Variants in SERPINF2 observed in about 807,000 individuals in gnomAD.
SERPINF2 encodes the protein alpha-2-antiplasmin.
SERPINF2 carries 15 observed loss-of-function variants against 45.0 expected under a neutral mutation model. The observed-to-expected ratio is 0.33, with a 90% CI of 0.22 to 0.51. The LOEUF is 0.51. Ranked by LOEUF, SERPINF2 falls within the 20% of genes least tolerant of loss-of-function variation. The pLI is 0.97. For missense variants in SERPINF2, 518 were observed against 637.4 expected, an observed-to-expected ratio of 0.81 and a Z score of 2.02; for synonymous variants, 283 against 277.9, an observed-to-expected ratio of 1.02 and a Z score of -0.18.
chr17:1,743,066 C>T (rs1905434397), intron 1 of SERPINF2, 158 bp downstream of exon 1: 1 of 985,258 alleles, frequency 1.0e-6, no homozygotes, highest in Non-Finnish European at 1.2e-6. Context: ...CAAGAAGATT[C>T]TAATGCCCAG....
In SERPINF2 at chr17:1,752,052, G is replaced by GC. The variant is rs1555569620; in HGVS notation, c.859-534_859-533insC. On this transcript the variant is annotated intron_variant, in intron 8 of 9. Coordinates refer to ENST00000453066, the MANE Select transcript of SERPINF2 (RefSeq NM_000934.4). ...TGACAGCGGACACTGCTACAATGTT[G>GC]TTTTTTTTCTTTTTTTGAGACGGAT... Among the ~76,000 whole-genome samples, 2 of 136,944 alleles carry GC rather than the reference G, an allele frequency of 1.5e-5. 1 individual carries two copies. The highest frequency in any genetic ancestry group is 3.3e-5 in the Non-Finnish European group (2 of 60,524). 89.8% of individuals were successfully genotyped at this position (136,944 alleles called of 152,430 possible). A position where few individuals can be genotyped will look rare whatever the true frequency, so the allele number is the denominator to read the frequency against.
rs929363192 is a variant in SERPINF2, at chr17:1,754,846, C to G, written c.*312C>G. ...GAGACAGGTTAGCTGCTCCCCACGT[C>G]AGCTGGGACACCCCGACTTTTGTTT... On this transcript the variant is annotated 3_prime_UTR_variant, in exon 10 of 10. Transcript: ENST00000453066. 3 of 453,972 alleles carry G rather than the reference C, an allele frequency of 6.6e-6. No individual in the cohort carries two copies. Among genetic ancestry groups the G allele is most frequent in the Non-Finnish European group, 1.2e-5 (3 of 257,286 alleles). 28.1% of individuals were successfully genotyped at this position (453,972 alleles called of 1,614,324 possible).
At chr17:1,747,246 G>C (rs1905920217) in intron 6 of SERPINF2, 63 bp from the exon 7 acceptor site, 1 of 1,610,406 alleles carries the variant, frequency 6.2e-7, no homozygotes, top group East Asian at 2.2e-5. Context: ...CTGGTAGCGA[G>C]TAGGGGCGTG....
chr17:1,748,548 C>T, intron 7 of SERPINF2, 50 bp from the exon 8 acceptor site: 1 of 1,605,008 alleles, frequency 6.2e-7, no homozygotes, highest in South Asian at 1.1e-5. Context: ...CTGCCCTCTG[C>T]CCCAAGCTGG....
At position 1,754,211 on chromosome 17, in the gene SERPINF2, G is replaced by A; in HGVS notation, c.1153G>A (p.Glu385Lys). The A allele has an allele frequency of 6.2e-7, 1 of 1,613,704 alleles. No individual in the cohort carries two copies. The highest frequency in any genetic ancestry group is 8.5e-7 in the Non-Finnish European group (1 of 1,180,034). ...CGGCGTGCAGCATCAGTCCACCCTG[G>A]AGCTCAGCGAGGTCGGCGTGGAGGC... ...VSGVQHQSTL[E>K]LSEVGVEAAA... The change falls in exon 10 of 10, where the codon GAG (glutamate) becomes AAG (lysine). Residue 385 changes from glutamate to lysine, a missense_variant. By Grantham distance (56) the Glu-to-Lys change is moderately conservative. Around this residue, in one of 2 missense-constraint regions of SERPINF2, gnomAD observed 435 missense variants for 577.3 expected, o/e 0.75. Coordinates refer to ENST00000453066, the MANE Select transcript of SERPINF2 (RefSeq NM_000934.4).
rs1367925557 is a variant in SERPINF2 at position 1,747,335 on chromosome 17, G to A, written c.538G>A (p.Glu180Lys). 1 of 1,614,054 alleles carries A rather than the reference G, an allele frequency of 6.2e-7. No individual in the cohort carries two copies. Among genetic ancestry groups the A allele is most frequent in the African/African-American group, 1.3e-5 (1 of 75,064 alleles). The change falls in exon 7 of 10, where the codon GAA becomes AAA. Residue 180 changes from glutamate (E) to lysine (K), a missense_variant. By Grantham distance (56) the Glu-to-Lys change is moderately conservative (BLOSUM62 1). Transcript: ENST00000453066. ...ATTTCCCATCAAAGAAGATTTCCTG[G>A]AACAATCCGAACAGCTATTTGGGGC... ...KGFPIKEDFLEQSEQLFGAKP... is the reference protein window; with the variant it reads ...KGFPIKEDFLKQSEQLFGAKP...
chr17:1,752,750 G>A lies in SERPINF2; in HGVS notation c.1023G>A (p.Leu341=), dbSNP rs763660066. ...PTKVRLPKLY[L]KHQMDLVATL... ...AGGTCCGGCTGCCTAAGCTGTATCT[G>A]AAACACCAAATGGACCTGGTGGCCA... Residue 341 remains leucine (L), a synonymous_variant, in exon 9 of 10, where the codon CTG becomes CTA. Coordinates refer to ENST00000453066, the MANE Select transcript of SERPINF2 (RefSeq NM_000934.4). 6.2e-7 allele frequency: 1 copy of A among 1,613,824 alleles called. No homozygotes were observed. Among genetic ancestry groups the A allele is most frequent in the South Asian group, 1.1e-5 (1 of 91,052 alleles).
At chr17:1,744,020 C>T (rs752326521) in intron 1 of SERPINF2, among the ~76,000 whole-genome samples, 34 of 151,396 alleles carry the variant, frequency 2.2e-4, no homozygotes, top group Non-Finnish European at 4.1e-4. Flanking sequence ...CTCAGCCTCC[C>T]GAGTAGCTGG....
At position 1,754,758 on chromosome 17, in the gene SERPINF2, C is replaced by T; in HGVS notation, c.*224C>T. 1.6e-6 allele frequency: 1 copy of T among 608,550 alleles called. No individual in the cohort carries two copies. The highest frequency in any genetic ancestry group is 2.8e-6 in the Non-Finnish European group (1 of 352,858). The allele number at this position is 608,550 out of a possible 1,614,324, so 37.7% of individuals were successfully genotyped here. Reference sequence around the variant, plus strand: ...GCCTGACCCTCATCTTTCTTCCAAACAGGCTCAGAGGGTGTCCTGCACCGG... The same window carrying T: ...GCCTGACCCTCATCTTTCTTCCAAATAGGCTCAGAGGGTGTCCTGCACCGG... On this transcript the variant is annotated 3_prime_UTR_variant, in exon 10 of 10. Transcript: ENST00000453066.
intron 1 of SERPINF2, 89 bp from the exon 2 acceptor site, chr17:1,744,903 A>G: frequency 6.2e-7 from 1 of 1,604,548 alleles, no homozygotes; most frequent in Non-Finnish European, 8.5e-7. Flanking sequence ...ATGACCCAGG[A>G]CTTGGCGTTA....
In SERPINF2 at chr17:1,752,853, C is replaced by T. The variant is rs578214404; in HGVS notation, c.1063+63C>T. On this transcript the variant is annotated intron_variant, in intron 9 of 9. Coordinates refer to ENST00000453066, the MANE Select transcript of SERPINF2 (RefSeq NM_000934.4). ...CTGGGCAGGGCGGGTAAGGAGGAAG[C>T]GTCTGGCTGGCAGTGGAGCTGAGTC... is the stretch of plus-strand genomic sequence containing the variant. 1.9e-5 allele frequency: 28 copies of T among 1,441,978 alleles called. No individual in the cohort carries two copies. The Admixed American group carries it at 3.4e-4, about 17-fold the overall frequency. 89.3% of individuals were successfully genotyped at this position (1,441,978 alleles called of 1,614,324 possible). A position where few individuals can be genotyped will look rare whatever the true frequency, so the allele number is the denominator to read the frequency against.
chr17:1,754,190 G>A lies in SERPINF2; in HGVS notation c.1132G>A (p.Val378Met), dbSNP rs749796006. The A allele has an allele frequency of 9.9e-6, 16 of 1,612,886 alleles. No individual in the cohort carries two copies. The highest frequency in any genetic ancestry group is 3.3e-5 in the South Asian group (3 of 91,080). Reference protein sequence around the residue: ...ISEQSLVVSGVQHQSTLELSE... With the variant: ...ISEQSLVVSGMQHQSTLELSE... ...CGAGCAGAGCCTGGTGGTGTCCGGC[G>A]TGCAGCATCAGTCCACCCTGGAGCT... Residue 378 changes from valine (V) to methionine (M), a missense_variant, in exon 10 of 10, where the codon GTG becomes ATG. Physicochemically the swap from Val to Met is conservative, Grantham distance 21 (BLOSUM62 1). Coordinates refer to ENST00000453066, the MANE Select transcript of SERPINF2 (RefSeq NM_000934.4).
intron 1 of SERPINF2, 159 bp downstream of exon 1, chr17:1,743,067 T>C (rs1905434623): frequency 1.0e-6 from 1 of 985,128 alleles, no homozygotes; most frequent in African/African-American, 1.7e-5. Flanking sequence ...AAGAAGATTC[T>C]AATGCCCAGG....
chr17:1,751,226 A>G (rs1906364505), intron 8 of SERPINF2, among the ~76,000 whole-genome samples: 1 of 152,098 alleles, frequency 6.6e-6, no homozygotes, highest in African/African-American at 2.4e-5. Context: ...AGGCAGGTGG[A>G]TCACCTGAGG....
At chr17:1,753,486 A>C (rs1906568049) in intron 9 of SERPINF2, among the ~76,000 whole-genome samples, 1 of 152,228 alleles carries the variant, frequency 6.6e-6, no homozygotes, top group Non-Finnish European at 1.5e-5. Context: ...CATGAGTTTG[A>C]GACCAGCCTG....
intron 9 of SERPINF2, among the ~76,000 whole-genome samples, chr17:1,753,078 G>A (rs754361002): frequency 1.3e-5 from 2 of 152,236 alleles, no homozygotes; most frequent in Non-Finnish European, 2.9e-5. Context: ...TGGCTTCCCT[G>A]GAAGGGGAAG....
Position 1,745,654 on chromosome 17 carries a change from A to G in SERPINF2, c.166-54A>G, listed in dbSNP as rs1196105255. On this transcript the variant is annotated intron_variant, in intron 4 of 9. Coordinates refer to ENST00000453066, the MANE Select transcript of SERPINF2 (RefSeq NM_000934.4). The surrounding 1 kb of genome is among the most constrained non-coding windows in gnomAD (Gnocchi z 6.2). ...CAGGGGCTGTGACAAGGCCTTCAAC[A>G]CAGAACCTGGAGCTGACCCCTTGAC... The G allele has an allele frequency of 1.3e-6, 2 of 1,565,390 alleles. No individual in the cohort carries two copies. The highest frequency in any genetic ancestry group is 2.7e-5 in the African/African-American group (2 of 74,028).
chr17:1,744,708 G>C, intron 1 of SERPINF2: 1 of 985,410 alleles, frequency 1.0e-6, no homozygotes, highest in Non-Finnish European at 1.2e-6. Context: ...GAACGTTTTT[G>C]ATTTGGTATC....
intron 8 of SERPINF2, among the ~76,000 whole-genome samples, chr17:1,750,009 T>A (rs1475532950): frequency 1.3e-5 from 2 of 151,728 alleles, no homozygotes; most frequent in Non-Finnish European, 2.9e-5. Context: ...AGTCTTGCTC[T>A]GTCACCCAGG....
Sources: allele counts gnomAD v4.1 joint callset (sites outside exome capture counted in the v4.1 genomes callset), GRCh38; gene constraint gnomAD v4.1.1; regional missense constraint gnomAD v4.1.1; non-coding constraint Gnocchi (gnomAD v3.1); transcripts MANE v1.5; gene names NCBI Gene and HGNC (gene_info 2026-07-23, HGNC 2026-07-21).